DUSP16: variants seen among roughly 807,000 people sequenced by gnomAD.
The protein encoded by DUSP16 is dual specificity phosphatase 16, also known as dual specificity protein phosphatase 16.
In DUSP16, 21 loss-of-function variants were observed where a neutral mutation model predicts 58.3. The ratio of observed to expected loss-of-function variants is 0.36; its 90% CI spans 0.26 to 0.52. DUSP16 has a LOEUF of 0.52. DUSP16 is among the 20% of genes least tolerant of loss of function. The pLI, the probability that DUSP16 is intolerant of heterozygous loss-of-function variation, is 0.94. For synonymous variants in DUSP16, 320 were observed against 323.8 expected, an observed-to-expected ratio of 0.99 and a Z score of 0.12; for missense variants, 726 against 819.0, an observed-to-expected ratio of 0.89 and a Z score of 1.39.
intron 3 of DUSP16, among the ~76,000 whole-genome samples, chr12:12,515,839 G>T (rs898744901): frequency 6.6e-6 from 1 of 151,742 alleles, no homozygotes; most frequent in African/African-American, 2.4e-5. Flanking sequence ...GCAGTGATGC[G>T]ATCTTGGCTC....
rs556341528 is a variant in DUSP16 at position 12,524,000 on chromosome 12, C to T, written c.-365-2537G>A. Among the ~76,000 whole-genome samples the T allele has an allele frequency of 9.2e-5, 14 of 152,224 alleles. No individual in the cohort carries two copies. In the South Asian group the frequency reaches 2.1e-3, roughly 23 times the overall value. ...TGGCTCCTCTCAAAGAGATAAAATC[C>T]GGATGGGACAAAGCAGTTATCTGGG... On this transcript the variant is annotated intron_variant, in intron 1 of 6. Transcript: ENST00000298573.
intron 1 of DUSP16, among the ~76,000 whole-genome samples, chr12:12,553,649 C>A (rs1373400735): frequency 6.6e-6 from 1 of 152,020 alleles, no homozygotes; most frequent in Non-Finnish European, 1.5e-5. Context: ...CTCAGGTGAT[C>A]CTCCTACCTG....
At chr12:12,541,510 T>A (rs893322670) in intron 1 of DUSP16, among the ~76,000 whole-genome samples, 2 of 152,232 alleles carry the variant, frequency 1.3e-5, no homozygotes, top group Non-Finnish European at 2.9e-5. Flanking sequence ...GAAGGCCCAG[T>A]AAGGTAGGTA....
chr12:12,477,920 G>C lies in DUSP16; in HGVS notation c.911C>G (p.Ala304Gly). 6.2e-7 allele frequency: 1 copy of C among 1,614,166 alleles called. No homozygotes were observed. Among genetic ancestry groups the C allele is most frequent in the South Asian group, 1.1e-5 (1 of 91,080 alleles). ...CTTGAGTTTGCTCTTTGGCCCTGATGCTCCAGTCTGGTTCTTAATCTTCTT... is the reference window on the plus strand; with the variant it reads ...CTTGAGTTTGCTCTTTGGCCCTGATCCTCCAGTCTGGTTCTTAATCTTCTT... The part of the protein sequence containing the change: ...YEKKIKNQTG[A>G]SGPKSKLKLL... The change falls in exon 7 of 7, where the codon GCA (alanine) becomes GGA (glycine). Residue 304 changes from alanine (A) to glycine (G), a missense_variant. Coordinates refer to ENST00000298573, the MANE Select transcript of DUSP16 (RefSeq NM_030640.3). The surrounding 1 kb of genome is among the most constrained non-coding windows in gnomAD (Gnocchi z 4.1).
At chr12:12,487,547 C>A (rs764653477) in intron 4 of DUSP16, among the ~76,000 whole-genome samples, 1 of 152,156 alleles carries the variant, frequency 6.6e-6, no homozygotes, top group Admixed American at 6.5e-5. Context: ...TCTTCCCACA[C>A]GGAACACGCT....
intron 1 of DUSP16, among the ~76,000 whole-genome samples, chr12:12,536,770 G>A (rs751302982): frequency 6.6e-6 from 1 of 151,898 alleles, no homozygotes; most frequent in Non-Finnish European, 1.5e-5. Flanking sequence ...CGATGCGGTG[G>A]CTCACACCTG....
In DUSP16 at chr12:12,474,466, C is replaced by G. The variant is rs1221249246; in HGVS notation, c.*2367G>C. The stretch of plus-strand genomic sequence containing the variant: ...CTTTAAAATCACCATCTGTATCACC[C>G]CTAGTAGACGCGAGGGTTTCCCCAA... On this transcript the variant is annotated 3_prime_UTR_variant, in exon 7 of 7. Coordinates refer to ENST00000298573, the MANE Select transcript of DUSP16 (RefSeq NM_030640.3). 6.6e-6 allele frequency: 1 copy of G among 152,290 alleles called. No homozygotes were observed. Among genetic ancestry groups the G allele is most frequent in the East Asian group, 1.9e-4 (1 of 5,196 alleles). 9.4% of individuals were successfully genotyped at this position (152,290 alleles called of 1,614,324 possible).
chr12:12,483,733 A>G (rs1943621297), intron 5 of DUSP16, among the ~76,000 whole-genome samples: 1 of 152,180 alleles, frequency 6.6e-6, no homozygotes, highest in African/African-American at 2.4e-5. Flanking sequence ...TGAGTATCCC[A>G]TAGCACAAAC....
At chr12:12,519,377 C>A (rs1257241440) in intron 3 of DUSP16, among the ~76,000 whole-genome samples, 3 of 152,132 alleles carry the variant, frequency 2.0e-5, no homozygotes, top group Admixed American at 6.5e-5. Flanking sequence ...ACATTCTCCC[C>A]CTATTTCATT....
chr12:12,518,655 C>G (rs898069641), intron 3 of DUSP16, among the ~76,000 whole-genome samples: 5 of 152,140 alleles, frequency 3.3e-5, no homozygotes, highest in Admixed American at 6.5e-5. Context: ...ATAGCTGTTA[C>G]ATTTAACACA....
In DUSP16 at chr12:12,562,295, T is replaced by A. The variant is rs1944917922; in HGVS notation, c.-544A>T. On this transcript the variant is annotated 5_prime_UTR_variant, in exon 1 of 7. Transcript: ENST00000298573. ...TCCTCCTCCTCTTCTTTTCAGTATA[T>A]TATCTTCTCCTTCTCTGAGGGGTGG... 1.3e-5 allele frequency: 2 copies of A among 151,480 alleles called. No individual in the cohort carries two copies. The highest frequency in any genetic ancestry group is 4.2e-4 in the South Asian group (2 of 4,788). 9.4% of individuals were successfully genotyped at this position (151,480 alleles called of 1,614,324 possible).
At chr12:12,557,614 A>G (rs1447891706) in intron 1 of DUSP16, among the ~76,000 whole-genome samples, 2 of 152,238 alleles carry the variant, frequency 1.3e-5, no homozygotes, top group Admixed American at 6.5e-5. Flanking sequence ...TTAAAAAGTT[A>G]TAACATGAAG....
At chr12:12,543,250 TGTACTGTGG>T (rs1336210227) in intron 1 of DUSP16, among the ~76,000 whole-genome samples, 10 of 152,194 alleles carry the variant, frequency 6.6e-5, no homozygotes, top group Admixed American at 1.3e-4. Context: ...GGTTGACAAC[TGTACTGTGG>T]GTAGGAAACT....
intron 1 of DUSP16, among the ~76,000 whole-genome samples, chr12:12,541,405 G>A (rs962835772): frequency 1.3e-5 from 2 of 152,118 alleles, no homozygotes; most frequent in African/African-American, 2.4e-5. Flanking sequence ...GCCTTGACAA[G>A]GTTACACTGA....
In DUSP16 at chr12:12,480,275, C is replaced by T. The variant is rs781428998; in HGVS notation, c.763G>A (p.Ala255Thr). Residue 255 changes from alanine (A) to threonine (T), a missense_variant, in exon 6 of 7, where the codon GCT becomes ACT. Ala to Thr is a moderately conservative substitution (Grantham distance 58, BLOSUM62 0). Transcript: ENST00000298573. ...ATCCTCTTCATGATGTAGGCGATAG[C>T]GATGGTGGCGGAGCGGGAGATCCCA... ...LAGISRSATI[A>T]IAYIMKRMDM... The T allele has an allele frequency of 1.4e-5, 22 of 1,614,052 alleles. No homozygotes were observed. Among genetic ancestry groups the T allele is most frequent in the East Asian group, 2.2e-5 (1 of 44,884 alleles).
At chr12:12,558,312 A>G (rs1944841102) in intron 1 of DUSP16, among the ~76,000 whole-genome samples, 1 of 152,170 alleles carries the variant, frequency 6.6e-6, no homozygotes, top group Non-Finnish European at 1.5e-5. Flanking sequence ...ATTTCTGACA[A>G]TTTTAAATTT....
intron 1 of DUSP16, among the ~76,000 whole-genome samples, chr12:12,550,533 T>C (rs1366184707): frequency 6.6e-6 from 1 of 152,192 alleles, no homozygotes; most frequent in Non-Finnish European, 1.5e-5. Flanking sequence ...AGAAAACATA[T>C]ACTTGTATAT....
At chr12:12,496,225 G>A (rs900128964) in intron 4 of DUSP16, among the ~76,000 whole-genome samples, 2 of 152,184 alleles carry the variant, frequency 1.3e-5, no homozygotes, top group South Asian at 2.1e-4. Flanking sequence ...TACATAGAGT[G>A]ACATCATAGA....
chr12:12,486,892 C>A lies in DUSP16; in HGVS notation c.691+136G>T, dbSNP rs951858914. On this transcript the variant is annotated intron_variant, in intron 5 of 6. Coordinates refer to ENST00000298573, the MANE Select transcript of DUSP16 (RefSeq NM_030640.3). The stretch of plus-strand genomic sequence containing the variant: ...TTGACCACCAGATGAGTAAGCTGCA[C>A]CACGTGCTGTTTTCAGACTTTTGAA... 1.4e-4 allele frequency: 134 copies of A among 991,706 alleles called. 1 individual carries two copies. In the African/African-American group the frequency reaches 2.1e-3, roughly 15 times the overall value. The allele number at this position is 991,706 out of a possible 1,614,324, so 61.4% of individuals were successfully genotyped here.
Sources: gnomAD v4.1 joint callset for allele counts (sites outside exome capture counted in the v4.1 genomes callset) on GRCh38, gnomAD v4.1.1 for gene constraint, Gnocchi (gnomAD v3.1) non-coding constraint, MANE v1.5 for transcripts, NCBI Gene and HGNC (gene_info 2026-07-23, HGNC 2026-07-21) for gene names.